CEP295: variants seen among roughly 807,000 people sequenced by gnomAD.
The protein encoded by CEP295 is centrosomal protein 295.
In CEP295, 190 loss-of-function variants were observed where a neutral mutation model predicts 291.6. The observed-to-expected ratio is 0.65, with a 90% CI of 0.58 to 0.73. The LOEUF is 0.73. CEP295 is among the 30% of genes least tolerant of loss of function. The pLI, the probability that CEP295 is intolerant of heterozygous loss-of-function variation, is 0.00. For synonymous variants in CEP295, 993 were observed against 1,038.8 expected, an observed-to-expected ratio of 0.96 and a Z score of 0.85; for missense variants, 2,863 against 2,949.4, an observed-to-expected ratio of 0.97 and a Z score of 0.68.
At chr11:93,729,370 C>G in intron 25 of CEP295, 64 bp from the exon 26 acceptor site, 1 of 1,118,738 alleles carries the variant, frequency 8.9e-7, no homozygotes, top group Admixed American at 2.0e-5. Context: ...TCTAATCTGA[C>G]AGCAGAGCAA....
Position 93,729,423 on chromosome 11 carries a change from C to T in CEP295, c.7303-11C>T. On this transcript the variant is annotated splice_polypyrimidine_tract_variant and intron_variant, in intron 25 of 29. Transcript: ENST00000325212. ...TAAAAAGAGTAAAACATGCAACTTT[C>T]TTGCCATTAGGTGAGTGAGTTTCTG... 1.3e-6 allele frequency: 2 copies of T among 1,530,568 alleles called. No individual in the cohort carries two copies. Among genetic ancestry groups the T allele is most frequent in the East Asian group, 2.5e-5 (1 of 40,764 alleles). 94.8% of individuals were successfully genotyped at this position (1,530,568 alleles called of 1,614,324 possible). A position where few individuals can be genotyped will look rare whatever the true frequency, so the allele number is the denominator to read the frequency against.
intron 10 of CEP295, among the ~76,000 whole-genome samples, chr11:93,691,415 C>G (rs1436801485): frequency 6.6e-6 from 1 of 152,186 alleles, no homozygotes; most frequent in Non-Finnish European, 1.5e-5. Context: ...TCTTTTTATG[C>G]CTTTCTCCTA....
chr11:93,678,739 C>CCCAT (rs1490568726), intron 6 of CEP295, among the ~76,000 whole-genome samples: 7 of 152,052 alleles, frequency 4.6e-5, no homozygotes, highest in Non-Finnish European at 7.4e-5. Flanking sequence ...CATAGCAAGA[C>CCCAT]CCATCTCTTT....
intron 10 of CEP295, among the ~76,000 whole-genome samples, 174 bp from the exon 11 acceptor site, chr11:93,691,509 A>T (rs1951552370): frequency 6.6e-6 from 1 of 152,166 alleles, no homozygotes; most frequent in Admixed American, 6.5e-5. Context: ...TGTTATTATT[A>T]GGCTTGGGTT....
intron 7 of CEP295, among the ~76,000 whole-genome samples, chr11:93,681,741 G>A (rs943692143): frequency 3.3e-5 from 5 of 151,744 alleles, no homozygotes; most frequent in East Asian, 1.9e-4. Flanking sequence ...TAGTAGAGAC[G>A]GGGTTTCACC....
At chr11:93,717,252 C>A (rs1200630763) in intron 18 of CEP295, among the ~76,000 whole-genome samples, 1 of 152,252 alleles carries the variant, frequency 6.6e-6, no homozygotes, top group South Asian at 2.1e-4. Flanking sequence ...CACCCCTACC[C>A]GCTGCATCAC....
chr11:93,691,431 G>T (rs1375235408), intron 10 of CEP295, among the ~76,000 whole-genome samples: 2 of 152,048 alleles, frequency 1.3e-5, no homozygotes, highest in Non-Finnish European at 2.9e-5. Context: ...TCCTATGTTT[G>T]AAATCCTATC....
intron 10 of CEP295, among the ~76,000 whole-genome samples, chr11:93,690,591 G>T (rs1165215597): frequency 6.7e-6 from 1 of 149,794 alleles, no homozygotes; most frequent in African/African-American, 2.5e-5. Context: ...AGTGAGCCAG[G>T]CGTGGTGGCG....
At chr11:93,713,321 T>C (rs1300063071) in intron 18 of CEP295, among the ~76,000 whole-genome samples, 1 of 152,236 alleles carries the variant, frequency 6.6e-6, no homozygotes. Context: ...TCATTTTTTA[T>C]TGCTTACTAA....
In CEP295 at chr11:93,680,796, A is replaced by G. The variant is rs143518423; in HGVS notation, c.765+1244A>G. 1.3e-3 allele frequency among the ~76,000 whole-genome samples: 198 copies of G among 152,348 alleles called. 4 individuals are homozygous for G. The East Asian group carries it at 0.025, about 20-fold the overall frequency. On this transcript the variant is annotated intron_variant, in intron 7 of 29. Transcript: ENST00000325212. ...CATAAAAATGATTCATCTTATTAGA[A>G]GTCTGATTTTATTTTCTGAATTTGA...
intron 18 of CEP295, among the ~76,000 whole-genome samples, chr11:93,716,165 A>G (rs1218975380): frequency 2.6e-5 from 4 of 152,124 alleles, no homozygotes; most frequent in Non-Finnish European, 5.9e-5. Flanking sequence ...CCAAAACTCA[A>G]CTTCCAACTG....
In CEP295 at chr11:93,695,592, T is replaced by A; in HGVS notation, c.1629T>A (p.Ala543=). The change falls in exon 13 of 30, where the codon GCT becomes GCA. Residue 543 remains alanine, a synonymous_variant. Transcript: ENST00000325212. ...GATTAGAAACTGACTGCTTCAGGGCTCAGCTGGAAGAAGAAAAAAGAAAAA... is the reference window on the plus strand; with the variant it reads ...GATTAGAAACTGACTGCTTCAGGGCACAGCTGGAAGAAGAAAAAAGAAAAA... ...KLRLETDCFR[A]QLEEEKRKKT... 1 of 1,497,186 alleles carries A rather than the reference T, an allele frequency of 6.7e-7. No homozygotes were observed. Among genetic ancestry groups the A allele is most frequent in the Non-Finnish European group, 8.8e-7 (1 of 1,130,576 alleles). 92.7% of individuals were successfully genotyped at this position (1,497,186 alleles called of 1,614,324 possible).
rs1228196484 is a variant in CEP295 at position 93,702,651 on chromosome 11, G to A, written c.5452+14G>A. On this transcript the variant is annotated intron_variant, in intron 16 of 29. Transcript: ENST00000325212. The stretch of plus-strand genomic sequence containing the variant: ...CCAAGCAAAGTGGTAAGATAATTGT[G>A]TTTGATTGTAATTATTTCACTGATT... 2.6e-6 allele frequency: 4 copies of A among 1,535,748 alleles called. No homozygotes were observed. Among genetic ancestry groups the A allele is most frequent in the Non-Finnish European group, 3.5e-6 (4 of 1,139,354 alleles).
chr11:93,693,997 A>G (rs1010447023), intron 12 of CEP295, among the ~76,000 whole-genome samples: 1 of 152,254 alleles, frequency 6.6e-6, no homozygotes, highest in Admixed American at 6.5e-5. Context: ...GTACAGTTGT[A>G]GATGTACTAC....
At chr11:93,715,891 T>C (rs1259621630) in intron 18 of CEP295, among the ~76,000 whole-genome samples, 1 of 151,918 alleles carries the variant, frequency 6.6e-6, no homozygotes, top group East Asian at 1.9e-4. Context: ...CTTCCCCTTC[T>C]CTCCGCAAGC....
In CEP295 at chr11:93,726,958, T is replaced by C. The variant is rs1310856063; in HGVS notation, c.6500-18T>C. On this transcript the variant is annotated intron_variant, in intron 23 of 29. Coordinates refer to ENST00000325212, the MANE Select transcript of CEP295 (RefSeq NM_033395.2). The stretch of plus-strand genomic sequence containing the variant: ...ACATGTAACGATGATTAACTGATTT[T>C]TGAATTTCTTAATGCAGGATCTGAA... 2.0e-6 allele frequency: 3 copies of C among 1,474,070 alleles called. No individual in the cohort carries two copies. The highest frequency in any genetic ancestry group is 1.4e-5 in the African/African-American group (1 of 69,932). The allele number at this position is 1,474,070 out of a possible 1,614,324, so 91.3% of individuals were successfully genotyped here.
intron 18 of CEP295, among the ~76,000 whole-genome samples, chr11:93,711,787 A>G (rs1952920949): frequency 6.6e-6 from 1 of 151,206 alleles, no homozygotes; most frequent in African/African-American, 2.4e-5. Context: ...CTGGGATTAC[A>G]GGCTTGAGCC....
In CEP295 at chr11:93,728,878, C is replaced by T. The variant is rs752774383; in HGVS notation, c.7302+57C>T. On this transcript the variant is annotated intron_variant, in intron 25 of 29. Transcript: ENST00000325212. ...ATTACAAGCAAACCAGTTGATTTGT[C>T]TCTTACAACTTATCAGAAGGTACTC... 83 of 1,427,726 alleles carry T rather than the reference C, an allele frequency of 5.8e-5. 1 individual carries two copies. Among genetic ancestry groups the T allele is most frequent in the Admixed American group, 1.2e-4 (5 of 42,506 alleles). 88.4% of individuals were successfully genotyped at this position (1,427,726 alleles called of 1,614,324 possible).
chr11:93,717,339 G>A (rs886992594), intron 18 of CEP295, among the ~76,000 whole-genome samples: 1 of 152,138 alleles, frequency 6.6e-6, no homozygotes, highest in African/African-American at 2.4e-5. Flanking sequence ...AGACTACGAG[G>A]AACGCACCTA....
Sources: gnomAD v4.1 joint callset for allele counts (sites outside exome capture counted in the v4.1 genomes callset) on GRCh38, gnomAD v4.1.1 for gene constraint, MANE v1.5 for transcripts, NCBI Gene and HGNC (gene_info 2026-07-23, HGNC 2026-07-21) for gene names.